Variants in LIMS2 observed in about 807,000 individuals in gnomAD.
LIMS2 encodes LIM zinc finger domain containing 2, also known as LIM and senescent cell antigen-like-containing domain protein 2.
LIMS2 carries 30 observed loss-of-function variants against 45.3 expected under a neutral mutation model. The ratio of observed to expected loss-of-function variants is 0.66; its 90% confidence interval spans 0.50 to 0.90. The LOEUF (loss-of-function observed/expected upper bound fraction) is 0.90. LIMS2 is among the 40% of genes least tolerant of loss of function. The pLI is 0.00. For missense variants in LIMS2, 485 were observed against 468.7 expected, an observed-to-expected ratio of 1.03 and a Z score of -0.32; for synonymous variants, 173 against 188.0, an observed-to-expected ratio of 0.92 and a Z score of 0.65.
At chr2:127,650,979 C>T (rs1683705603) in intron 4 of LIMS2, 1 of 1,613,840 alleles carries the variant, frequency 6.2e-7, no homozygotes, top group Non-Finnish European at 8.5e-7. Flanking sequence ...GTCGTGCGTG[C>T]TGGTCCTGCC....
intron 1 of LIMS2, 26 bp downstream of exon 1, chr2:127,674,988 C>T: frequency 8.1e-7 from 1 of 1,229,152 alleles, no homozygotes; most frequent in African/African-American, 1.6e-5. Context: ...CCTCCCCGGC[C>T]CGGGGGCGTG....
At position 127,657,498 on chromosome 2, in the gene LIMS2, C is replaced by T. The variant is rs780405230; in HGVS notation, c.76G>A (p.Glu26Lys). The T allele has an allele frequency of 5.0e-6, 8 of 1,613,144 alleles. No homozygotes were observed. Among genetic ancestry groups the T allele is most frequent in the East Asian group, 2.2e-5 (1 of 44,890 alleles). Residue 26 changes from glutamate (E) to lysine (K), a missense_variant, in exon 2 of 10, where the codon GAG becomes AAG. By Grantham distance (56) the Glu-to-Lys change is moderately conservative. Coordinates refer to ENST00000355119, the MANE Select transcript of LIMS2 (RefSeq NM_001161403.3). ...QRCQARFSPA[E>K]RIVNSNGELY... ...TCCCCATTGCTGTTGACAATGCGCT[C>T]GGCGGGGGAGAAGCGGGCCTGGCAG...
chr2:127,666,883 A>C (rs1205467738), intron 1 of LIMS2, among the ~76,000 whole-genome samples: 3 of 152,088 alleles, frequency 2.0e-5, no homozygotes, highest in Non-Finnish European at 4.4e-5. Flanking sequence ...GCATGGGGGG[A>C]AACACCCCCA....
chr2:127,642,283 C>A lies in LIMS2; in HGVS notation c.510-84G>T, dbSNP rs1025535915. 5.7e-5 allele frequency: 79 copies of A among 1,396,314 alleles called. No homozygotes were observed. The highest frequency in any genetic ancestry group is 7.1e-5 in the Non-Finnish European group (75 of 1,063,768). 86.5% of individuals were successfully genotyped at this position (1,396,314 alleles called of 1,614,324 possible). On this transcript the variant is annotated intron_variant, in intron 5 of 9. Coordinates refer to ENST00000355119, the MANE Select transcript of LIMS2 (RefSeq NM_001161403.3). The surrounding 1 kb of genome is among the most constrained non-coding windows in gnomAD (Gnocchi z 5.3). ...GCAGCGCCTCCACCCCAGGGCACGG[C>A]TCCCCGAGGGGCCCATTCTGTCCCT...
rs1473010006 is a variant in LIMS2, at chr2:127,640,093, G to C, written c.855C>G (p.Thr285=). ...AWCVSCFSCS[T]CNSKLTLKNK... ...ACTTCAGGGTGAGCTTGCTGTTGCA[G>C]GTGGAGCAGGAGAAGCAGCTCACAC... The change falls in exon 9 of 10, where the codon ACC becomes ACG. Residue 285 remains threonine (T), a synonymous_variant. Coordinates refer to ENST00000355119, the MANE Select transcript of LIMS2 (RefSeq NM_001161403.3). The C allele has an allele frequency of 6.2e-7, 1 of 1,613,426 alleles. No individual in the cohort carries two copies. The highest frequency in any genetic ancestry group is 1.3e-5 in the African/African-American group (1 of 74,942).
Position 127,664,482 on chromosome 2 carries a change from C to T in LIMS2, c.12-6920G>A. On this transcript the variant is annotated intron_variant, in intron 1 of 9. Coordinates refer to ENST00000355119, the MANE Select transcript of LIMS2 (RefSeq NM_001161403.3). The surrounding 1 kb of genome is among the most constrained non-coding windows in gnomAD (Gnocchi z 5.5). ...GAGGGGAGGCGCGGCCGCCTGGGGC[C>T]AGACACCAAGACGGGACGGGCGTGT... The T allele has an allele frequency of 2.6e-6, 3 of 1,174,612 alleles. No individual in the cohort carries two copies. The highest frequency in any genetic ancestry group is 3.2e-6 in the Non-Finnish European group (3 of 951,396). The allele number at this position is 1,174,612 out of a possible 1,614,324, so 72.8% of individuals were successfully genotyped here.
intron 1 of LIMS2, among the ~76,000 whole-genome samples, chr2:127,661,130 G>A (rs1684623177): frequency 1.3e-5 from 2 of 152,262 alleles, no homozygotes; most frequent in South Asian, 4.1e-4. Flanking sequence ...AGGGGAGGAA[G>A]AGAGGCAGTG....
Position 127,639,340 on chromosome 2 carries a change from GCTT to G in LIMS2, c.964_966del (p.Lys322del), listed in dbSNP as rs1297269191. The G allele has an allele frequency of 3.1e-6, 5 of 1,613,866 alleles. No individual in the cohort carries two copies. The highest frequency in any genetic ancestry group is 2.5e-6 in the Non-Finnish European group (3 of 1,179,958). On this transcript the variant is annotated inframe_deletion, in exon 10 of 10. Transcript: ENST00000355119. ...GCCTTGCGGGAGGTCAGCTCCGACAGCTTCTTCAGCCGCTTCTTCAGCTCCAGC... is the reference window on the plus strand; with the variant it reads ...GCCTTGCGGGAGGTCAGCTCCGACAGCTTCAGCCGCTTCTTCAGCTCCAGC...
intron 4 of LIMS2, chr2:127,651,841 C>G (rs1269435629): frequency 1.6e-6 from 2 of 1,270,834 alleles, no homozygotes; most frequent in African/African-American, 3.0e-5. Context: ...CCAGCCACCT[C>G]CCCAGCAAGC....
At chr2:127,654,802 C>T (rs1057109125) in intron 3 of LIMS2, 28 bp downstream of exon 3, 3 of 1,612,474 alleles carry the variant, frequency 1.9e-6, no homozygotes, top group Non-Finnish European at 2.5e-6. Context: ...CCCAGGCAGC[C>T]CAGGATGTGT....
At chr2:127,646,777 G>A (rs560660293) in intron 4 of LIMS2, 7 of 152,530 alleles carry the variant, frequency 4.6e-5, no homozygotes, top group South Asian at 2.1e-4. Context: ...ACACCGGCTC[G>A]GTGGCCGTCT....
At position 127,652,148 on chromosome 2, in the gene LIMS2, C is replaced by T. The variant is rs952399899; in HGVS notation, c.359+2276G>A. ...GACCCTGAAGGCAGGCTGCAAATGA[C>T]CCAGAAGAGGGACCTGGGAGTCCTG... On this transcript the variant is annotated intron_variant, in intron 4 of 9. Transcript: ENST00000355119. The T allele has an allele frequency of 5.6e-5, 14 of 251,528 alleles. No homozygotes were observed. In the South Asian group the frequency reaches 8.7e-4, roughly 16 times the overall value. The allele number at this position is 251,528 out of a possible 1,614,324, so 15.6% of individuals were successfully genotyped here.
chr2:127,677,747 T>C (rs1685534673), upstream of LIMS2, among the ~76,000 whole-genome samples: 1 of 152,102 alleles, frequency 6.6e-6, no homozygotes. The surrounding 1 kb of genome is among the most constrained non-coding windows in gnomAD (Gnocchi z 5.0). Context: ...ATCTCAGAAA[T>C]ACTGACTGAA....
chr2:127,672,110 C>A lies in LIMS2; in HGVS notation c.11+2904G>T, dbSNP rs1685294858. On this transcript the variant is annotated intron_variant, in intron 1 of 9. Coordinates refer to ENST00000355119, the MANE Select transcript of LIMS2 (RefSeq NM_001161403.3). The surrounding 1 kb of genome is among the most constrained non-coding windows in gnomAD (Gnocchi z 4.9). ...CATGACGGTCACACCATGGGTGGGA[C>A]TCCACTTTATGCAGCCAAGCCACTG... 6.6e-6 allele frequency among the ~76,000 whole-genome samples: 1 copy of A among 152,202 alleles called. No homozygotes were observed. The highest frequency in any genetic ancestry group is 2.4e-5 in the African/African-American group (1 of 41,448).
At chr2:127,670,264 A>G (rs1178904633) in intron 1 of LIMS2, among the ~76,000 whole-genome samples, 3 of 152,220 alleles carry the variant, frequency 2.0e-5, no homozygotes, top group Non-Finnish European at 4.4e-5. Flanking sequence ...GAAACAAACT[A>G]TGGCACAATG....
At chr2:127,649,969 A>G (rs1286760038) in intron 4 of LIMS2, 2 of 1,545,572 alleles carry the variant, frequency 1.3e-6, no homozygotes, top group Non-Finnish European at 1.8e-6. Context: ...CCTGATACCC[A>G]GGCACAGGCT....
At chr2:127,640,232 A>T in intron 8 of LIMS2, 38 bp downstream of exon 8, 1 of 1,612,778 alleles carries the variant, frequency 6.2e-7, no homozygotes, top group Non-Finnish European at 8.5e-7. Context: ...AGGCCCCAGG[A>T]GAGCAGGTGG....
intron 7 of LIMS2, 159 bp from the exon 8 acceptor site, chr2:127,640,477 A>G: frequency 1.4e-6 from 1 of 719,214 alleles, no homozygotes. Context: ...GGGCACGGCA[A>G]CCCATGAGAA....
intron 1 of LIMS2, 53 bp downstream of exon 1, chr2:127,674,961 G>A: frequency 4.9e-6 from 6 of 1,227,184 alleles, no homozygotes; most frequent in Non-Finnish European, 6.1e-6. Flanking sequence ...GCCTCGGCCA[G>A]GGGTCCCGCA....
Sources: gnomAD v4.1 joint callset for allele counts (sites outside exome capture counted in the v4.1 genomes callset) on GRCh38, gnomAD v4.1.1 for gene constraint, Gnocchi (gnomAD v3.1) non-coding constraint, MANE v1.5 for transcripts, NCBI Gene and HGNC (gene_info 2026-07-23, HGNC 2026-07-21) for gene names.